MAST2: variants seen among roughly 807,000 people sequenced by gnomAD.
The protein encoded by MAST2 is microtubule-associated serine/threonine-protein kinase 2.
In MAST2, 70 loss-of-function variants were observed where a neutral mutation model predicts 147.4. The observed-to-expected ratio is 0.47, with a 90% CI of 0.39 to 0.58. The LOEUF (loss-of-function observed/expected upper bound fraction) is 0.58, where lower values mean the gene tolerates loss of function less well. Among genes scored for constraint, MAST2 ranks in the 20% least tolerant of loss-of-function variants. The pLI, the probability that MAST2 is intolerant of heterozygous loss-of-function variation, is 0.00. For synonymous variants in MAST2, 869 were observed against 896.8 expected, an observed-to-expected ratio of 0.97 and a Z score of 0.55; for missense variants, 2,080 against 2,302.3, an observed-to-expected ratio of 0.90 and a Z score of 1.98.
chr1:45,886,681 G>A (rs1647105174), intron 4 of MAST2, among the ~76,000 whole-genome samples: 1 of 152,130 alleles, frequency 6.6e-6, no homozygotes, highest in African/African-American at 2.4e-5. Flanking sequence ...AAAGTTACTT[G>A]TATCTGTTTA....
intron 6 of MAST2, among the ~76,000 whole-genome samples, chr1:46,000,690 T>G (rs752325547): frequency 2.6e-5 from 4 of 152,204 alleles, no homozygotes; most frequent in Non-Finnish European, 5.9e-5. Flanking sequence ...GAGAAGTGTT[T>G]CAACCCTGCC....
At chr1:45,822,274 C>T (rs910064667) in intron 1 of MAST2, among the ~76,000 whole-genome samples, 1 of 152,118 alleles carries the variant, frequency 6.6e-6, no homozygotes, top group Non-Finnish European at 1.5e-5. Flanking sequence ...GGTATGTGTA[C>T]TTTTCTAAAA....
chr1:45,879,218 G>A (rs1232979863), intron 3 of MAST2, among the ~76,000 whole-genome samples: 1 of 151,590 alleles, frequency 6.6e-6, no homozygotes, highest in Non-Finnish European at 1.5e-5. Context: ...ATATCCATAT[G>A]AAAAAAAATG....
intron 6 of MAST2, among the ~76,000 whole-genome samples, chr1:46,002,486 CTG>C (rs1451863183): frequency 6.6e-6 from 1 of 152,198 alleles, no homozygotes. Context: ...CTGGAATCCT[CTG>C]TCATTGTTTC....
rs1646843432 is a variant in MAST2 at position 46,035,023 on chromosome 1, G to T, written c.4354G>T (p.Val1452Phe). The T allele has an allele frequency of 6.2e-7, 1 of 1,614,016 alleles. No individual in the cohort carries two copies. Among genetic ancestry groups the T allele is most frequent in the Non-Finnish European group, 8.5e-7 (1 of 1,180,034 alleles). The part of the protein sequence containing the change: ...PPREVSPLEV[V>F]GARSVLSGKG... ...CAGGGAAGTGAGCCCTCTGGAGGTA[G>T]TTGGAGCCAGGAGTGTGCTGTCTGG... The change falls in exon 29 of 29, where the codon GTT (valine) becomes TTT (phenylalanine). Residue 1452 changes from valine (V) to phenylalanine (F), a missense_variant. Transcript: ENST00000361297. The surrounding 1 kb of genome is among the most constrained non-coding windows in gnomAD (Gnocchi z 5.5).
chr1:45,923,113 G>A (rs1305376924), intron 4 of MAST2, among the ~76,000 whole-genome samples: 4 of 152,158 alleles, frequency 2.6e-5, no homozygotes, highest in South Asian at 2.1e-4. Flanking sequence ...GCCCAGCTCT[G>A]CCCTAGTGCC....
chr1:46,032,593 C>CA lies in MAST2; in HGVS notation c.3415-2dup. 6.2e-7 allele frequency: 1 copy of CA among 1,613,818 alleles called. No homozygotes were observed. The highest frequency in any genetic ancestry group is 8.5e-7 in the Non-Finnish European group (1 of 1,179,802). ...TCTGAGTACTGTTCTCTTCCTGGCA[C>CA]AGCACGTGGAGGATGGAGGTCCGGC... is the stretch of plus-strand genomic sequence containing the variant. On this transcript the variant is annotated splice_polypyrimidine_tract_variant and splice_region_variant and intron_variant, in intron 25 of 28. Coordinates refer to ENST00000361297, the MANE Select transcript of MAST2 (RefSeq NM_015112.3).
rs531775035 is a variant in MAST2 at position 45,958,175 on chromosome 1, G to T, written c.501-1211G>T. On this transcript the variant is annotated intron_variant, in intron 4 of 28. Transcript: ENST00000361297. ...CCTGATGGTTTCTTAGGGGAAAATGGTTATCATTTCTAATGATAATCTCTT... is the reference window on the plus strand; with the variant it reads ...CCTGATGGTTTCTTAGGGGAAAATGTTTATCATTTCTAATGATAATCTCTT... 7.2e-5 allele frequency among the ~76,000 whole-genome samples: 11 copies of T among 152,148 alleles called. No individual in the cohort carries two copies. The East Asian group carries it at 2.1e-3, about 29-fold the overall frequency.
At chr1:45,806,380 AT>A (rs1169057451) in intron 1 of MAST2, among the ~76,000 whole-genome samples, 1 of 152,120 alleles carries the variant, frequency 6.6e-6, no homozygotes. Context: ...CATTGTATGA[AT>A]GTATTGTGAT....
At chr1:45,930,685 AT>A (rs1460655385) in intron 4 of MAST2, among the ~76,000 whole-genome samples, 2 of 152,078 alleles carry the variant, frequency 1.3e-5, no homozygotes, top group African/African-American at 4.8e-5. Context: ...TAGCAGAAAT[AT>A]TTTTTTAATG....
chr1:45,872,283 G>GAGA (rs1169419033), intron 3 of MAST2, among the ~76,000 whole-genome samples: 6 of 152,186 alleles, frequency 3.9e-5, no homozygotes, highest in Non-Finnish European at 8.8e-5. Flanking sequence ...CTCCACGCTG[G>GAGA]TGACTGTTGA....
chr1:45,922,635 C>T (rs1361533168), intron 4 of MAST2, among the ~76,000 whole-genome samples: 2 of 152,174 alleles, frequency 1.3e-5, no homozygotes, highest in African/African-American at 4.8e-5. Flanking sequence ...CGGGAGCGGA[C>T]GATTCTGAGC....
intron 5 of MAST2, among the ~76,000 whole-genome samples, chr1:45,961,193 C>A (rs1413993357): frequency 6.6e-6 from 1 of 151,990 alleles, no homozygotes; most frequent in East Asian, 1.9e-4. Flanking sequence ...TGGAGACATA[C>A]TTGACCTTTA....
chr1:45,998,392 TG>T (rs1046386125), intron 6 of MAST2, among the ~76,000 whole-genome samples: 2 of 152,166 alleles, frequency 1.3e-5, no homozygotes. Context: ...CTCTTGAGAG[TG>T]ATAACAAACC....
chr1:45,862,383 A>G (rs1383737055), intron 3 of MAST2, among the ~76,000 whole-genome samples: 2 of 152,216 alleles, frequency 1.3e-5, no homozygotes, highest in Non-Finnish European at 2.9e-5. Context: ...AAGTTACAAT[A>G]AGGTACTACT....
intron 3 of MAST2, among the ~76,000 whole-genome samples, chr1:45,864,078 T>C (rs1455952293): frequency 1.3e-5 from 2 of 152,204 alleles, no homozygotes; most frequent in African/African-American, 2.4e-5. Context: ...TCTTAAAATC[T>C]AAAAGATTAT....
At chr1:45,939,001 G>A (rs1656718734) in intron 4 of MAST2, among the ~76,000 whole-genome samples, 1 of 151,806 alleles carries the variant, frequency 6.6e-6, no homozygotes. Context: ...CCTGTCTATG[G>A]TGGTTCTTTC....
At chr1:45,985,247 T>G (rs538816682) in intron 5 of MAST2, among the ~76,000 whole-genome samples, 13 of 151,650 alleles carry the variant, frequency 8.6e-5, no homozygotes, top group East Asian at 5.8e-4. Context: ...CTGCTAATTT[T>G]TGTGTGTGTG....
At chr1:45,917,304 G>T (rs1404657139) in intron 4 of MAST2, 1 of 1,324,554 alleles carries the variant, frequency 7.5e-7, no homozygotes, top group South Asian at 1.2e-5. Flanking sequence ...AGTTATCACT[G>T]ACCTTGTTTT....
Sources: gnomAD v4.1 joint callset for allele counts (sites outside exome capture counted in the v4.1 genomes callset) on GRCh38, gnomAD v4.1.1 for gene constraint, Gnocchi (gnomAD v3.1) non-coding constraint, MANE v1.5 for transcripts, NCBI Gene and HGNC (gene_info 2026-07-23, HGNC 2026-07-21) for gene names.